CPSF2: variants seen among roughly 807,000 people sequenced by gnomAD.
CPSF2 encodes the protein cleavage and polyadenylation specificity factor subunit 2.
CPSF2 carries 51 observed loss-of-function variants against 84.2 expected under a neutral mutation model. The observed-to-expected ratio is 0.61, with a 90% confidence interval of 0.48 to 0.77. The LOEUF (loss-of-function observed/expected upper bound fraction) is 0.77. Among genes scored for constraint, CPSF2 ranks in the 30% least tolerant of loss-of-function variants. CPSF2 has a pLI of 0.00. For missense variants in CPSF2, 641 were observed against 929.4 expected, an observed-to-expected ratio of 0.69 and a Z score of 4.03; for synonymous variants, 286 against 311.9, an observed-to-expected ratio of 0.92 and a Z score of 0.87.
chr14:92,159,873 AAATTTT>A lies in CPSF2; in HGVS notation c.2121+594_2121+599del, dbSNP rs149320807. On this transcript the variant is annotated intron_variant, in intron 14 of 15. Transcript: ENST00000298875. ...TTTTTTTTTTTTGGTCTGGATTTTT[AAATTTT>A]AAGTTTGATGATTGTGAGGATCACC... Among the ~76,000 whole-genome samples the A allele has an allele frequency of 4.9e-3, 746 of 150,852 alleles. 2 individuals are homozygous for A. The highest frequency in any genetic ancestry group is 0.017 in the African/African-American group (711 of 41,048).
chr14:92,151,569 G>C (rs1038924889), intron 9 of CPSF2, among the ~76,000 whole-genome samples: 8 of 152,070 alleles, frequency 5.3e-5, no homozygotes, highest in Non-Finnish European at 1.0e-4. Context: ...TAATATCCAT[G>C]AAAGGACTAT....
chr14:92,148,793 A>G (rs1330096031), intron 9 of CPSF2, among the ~76,000 whole-genome samples: 3 of 148,256 alleles, frequency 2.0e-5, no homozygotes, highest in African/African-American at 5.0e-5. Context: ...AAAAAGAAAG[A>G]AATGTATATA....
At chr14:92,139,066 A>T (rs1046955470) in intron 7 of CPSF2, among the ~76,000 whole-genome samples, 1 of 152,138 alleles carries the variant, frequency 6.6e-6, no homozygotes. Context: ...CCTGGCACTC[A>T]CTGGCATATG....
intron 3 of CPSF2, 147 bp from the exon 4 acceptor site, chr14:92,133,864 A>G: frequency 2.7e-6 from 2 of 754,592 alleles, no homozygotes; most frequent in Admixed American, 2.6e-5. Context: ...AATAATTGAA[A>G]TTCATAGGTA....
chr14:92,136,442 G>T (rs2068999924), intron 6 of CPSF2, among the ~76,000 whole-genome samples: 1 of 152,174 alleles, frequency 6.6e-6, no homozygotes, highest in Non-Finnish European at 1.5e-5. Flanking sequence ...GACAAACTGT[G>T]TCTGCCACCC....
chr14:92,157,593 T>C lies in CPSF2; in HGVS notation c.1596-66T>C. ...ATCCTAGTGTTATATATTGTATACA[T>C]GATAAAAGCCATTTTTTTTTAGAAT... On this transcript the variant is annotated intron_variant, in intron 12 of 15. Transcript: ENST00000298875. The surrounding 1 kb of genome is among the most constrained non-coding windows in gnomAD (Gnocchi z 4.0). The C allele has an allele frequency of 8.8e-7, 1 of 1,135,894 alleles. No individual in the cohort carries two copies. 70.4% of individuals were successfully genotyped at this position (1,135,894 alleles called of 1,614,324 possible).
intron 7 of CPSF2, among the ~76,000 whole-genome samples, chr14:92,139,657 G>C (rs1352817722): frequency 1.3e-5 from 2 of 150,030 alleles, no homozygotes; most frequent in Non-Finnish European, 3.0e-5. Flanking sequence ...TTCTGCCTCA[G>C]CCTCCCAAGT....
At chr14:92,141,553 C>G (rs954289363) in intron 7 of CPSF2, among the ~76,000 whole-genome samples, 1 of 152,042 alleles carries the variant, frequency 6.6e-6, no homozygotes, top group Non-Finnish European at 1.5e-5. Flanking sequence ...GTCTTGAACT[C>G]CTGGACTCAA....
chr14:92,161,796 C>T lies in CPSF2; in HGVS notation c.*52C>T. 2.0e-6 allele frequency: 2 copies of T among 1,010,464 alleles called. No individual in the cohort carries two copies. The highest frequency in any genetic ancestry group is 1.6e-5 in the South Asian group (1 of 62,948). 62.6% of individuals were successfully genotyped at this position (1,010,464 alleles called of 1,614,324 possible). A position where few individuals can be genotyped will look rare whatever the true frequency, so the allele number is the denominator to read the frequency against. ...TTGACCTTTCTAAGAAAAAGGGATT[C>T]TTATCTTACTCTGAGCTTTTGATGT... On this transcript the variant is annotated 3_prime_UTR_variant, in exon 16 of 16. Transcript: ENST00000298875.
Position 92,162,963 on chromosome 14 carries a change from G to A in CPSF2, c.*1219G>A, listed in dbSNP as rs564453852. On this transcript the variant is annotated 3_prime_UTR_variant, in exon 16 of 16. Transcript: ENST00000298875. Reference sequence around the variant, plus strand: ...GAGTCACCCAGGCTGGAGTGCAGTGGTGAGATTTTGGCTCACTATAACCTC... The same window carrying A: ...GAGTCACCCAGGCTGGAGTGCAGTGATGAGATTTTGGCTCACTATAACCTC... 6.6e-6 allele frequency: 1 copy of A among 152,234 alleles called. No homozygotes were observed. The highest frequency in any genetic ancestry group is 1.9e-4 in the East Asian group (1 of 5,178). The allele number at this position is 152,234 out of a possible 1,614,324, so 9.4% of individuals were successfully genotyped here.
At chr14:92,135,556 G>T in intron 6 of CPSF2, 60 bp downstream of exon 6, 1 of 1,464,596 alleles carries the variant, frequency 6.8e-7, no homozygotes, top group Non-Finnish European at 9.1e-7. Context: ...ATTCTTTGGA[G>T]AAAAAATAAG....
chr14:92,143,970 C>T (rs1035871109), intron 9 of CPSF2, among the ~76,000 whole-genome samples: 5 of 152,138 alleles, frequency 3.3e-5, no homozygotes, highest in African/African-American at 7.2e-5. Context: ...TTCCTAAAGA[C>T]GTTCTTTATC....
Position 92,157,546 on chromosome 14 carries a change from C to T in CPSF2, c.1596-113C>T. On this transcript the variant is annotated intron_variant, in intron 12 of 15. Coordinates refer to ENST00000298875, the MANE Select transcript of CPSF2 (RefSeq NM_017437.3). This position sits in a 1 kb window ranked among gnomAD's most constrained non-coding sequence, Gnocchi z 4.0. ...AAAAATAAAATAAATCATACAGATA[C>T]TATAACATGTGTATTTCTCAAATCC... is the stretch of plus-strand genomic sequence containing the variant. 1.5e-6 allele frequency: 1 copy of T among 675,464 alleles called. No homozygotes were observed. Among genetic ancestry groups the T allele is most frequent in the South Asian group, 2.0e-5 (1 of 49,684 alleles). The allele number at this position is 675,464 out of a possible 1,614,324, so 41.8% of individuals were successfully genotyped here. A position where few individuals can be genotyped will look rare whatever the true frequency, so the allele number is the denominator to read the frequency against.
Position 92,157,936 on chromosome 14 carries a change from G to T in CPSF2, c.1821+52G>T. On this transcript the variant is annotated intron_variant, in intron 13 of 15. Coordinates refer to ENST00000298875, the MANE Select transcript of CPSF2 (RefSeq NM_017437.3). This position sits in a 1 kb window ranked among gnomAD's most constrained non-coding sequence, Gnocchi z 4.0. The stretch of plus-strand genomic sequence containing the variant: ...GTAGAAATAAGTACTTTTTGTTGCA[G>T]GTTAGGACAGATAACATTAGAAATA... The T allele has an allele frequency of 8.0e-7, 1 of 1,251,274 alleles. No homozygotes were observed. Among genetic ancestry groups the T allele is most frequent in the South Asian group, 1.2e-5 (1 of 82,976 alleles). The allele number at this position is 1,251,274 out of a possible 1,614,324, so 77.5% of individuals were successfully genotyped here. A position where few individuals can be genotyped will look rare whatever the true frequency, so the allele number is the denominator to read the frequency against.
intron 1 of CPSF2, among the ~76,000 whole-genome samples, chr14:92,125,602 G>A (rs1001525370): frequency 5.3e-5 from 8 of 151,904 alleles, no homozygotes; most frequent in Admixed American, 3.3e-4. Context: ...TGTTTCTGTT[G>A]CCTGCAGGAC....
At chr14:92,130,859 C>A in intron 2 of CPSF2, 92 bp from the exon 3 acceptor site, 1 of 783,778 alleles carries the variant, frequency 1.3e-6, no homozygotes, top group Non-Finnish European at 1.9e-6. Flanking sequence ...TTTCTATGCA[C>A]TTAAAGATTT....
At chr14:92,131,537 CA>C (rs200154444) in intron 3 of CPSF2, among the ~76,000 whole-genome samples, 11 of 149,066 alleles carry the variant, frequency 7.4e-5, no homozygotes, top group Admixed American at 1.3e-4. Context: ...ACTGATTCAT[CA>C]AAAAAAAAAT....
intron 11 of CPSF2, among the ~76,000 whole-genome samples, chr14:92,156,246 C>T (rs1006697963): frequency 6.6e-6 from 1 of 152,084 alleles, no homozygotes; most frequent in Non-Finnish European, 1.5e-5. Flanking sequence ...CGAGATGGCG[C>T]CACCACACTC....
At chr14:92,161,283 T>TA (rs2069368638) in intron 15 of CPSF2, 37 bp downstream of exon 15, 5 of 1,566,040 alleles carry the variant, frequency 3.2e-6, no homozygotes, top group African/African-American at 1.4e-5. Context: ...ATTGAACACA[T>TA]ACGTCTGATG....
Sources: allele counts gnomAD v4.1 joint callset (sites outside exome capture counted in the v4.1 genomes callset), GRCh38; gene constraint gnomAD v4.1.1; non-coding constraint Gnocchi (gnomAD v3.1); transcripts MANE v1.5; gene names NCBI Gene and HGNC (gene_info 2026-07-23, HGNC 2026-07-21).